Variants in SEPTIN9 observed in about 807,000 individuals in gnomAD.
The protein encoded by SEPTIN9 is septin-9.
A neutral mutation model predicts 56.6 loss-of-function variants in SEPTIN9; 13 were observed. That is an observed-to-expected ratio of 0.23 (90% CI 0.15 to 0.37). The LOEUF (loss-of-function observed/expected upper bound fraction) is 0.37. SEPTIN9 is among the 10% of genes least tolerant of loss of function. The pLI is 1.00. For synonymous variants in SEPTIN9, 332 were observed against 334.1 expected (o/e 0.99, Z 0.07); for missense variants, 650 against 823.1 (o/e 0.79, Z 2.57).
intron 11 of SEPTIN9, 60 bp downstream of exon 11, chr17:77,497,426 G>A (rs1018052769): frequency 9.8e-6 from 15 of 1,523,434 alleles, no homozygotes; most frequent in African/African-American, 5.5e-5. Context: ...GCCCTACAGC[G>A]GGTGGGGGCA....
chr17:77,332,385 C>T lies in SEPTIN9; in HGVS notation c.76+25188C>T, dbSNP rs569084890. ...ACAGCAACCATTTTGCTGTTTGCTTCACCACAAATCCCTCTGGCCACCAGC... is the reference window on the plus strand; with the variant it reads ...ACAGCAACCATTTTGCTGTTTGCTTTACCACAAATCCCTCTGGCCACCAGC... On this transcript the variant is annotated intron_variant, in intron 2 of 11. Coordinates refer to ENST00000427177, the MANE Select transcript of SEPTIN9 (RefSeq NM_001113491.2). Among the ~76,000 whole-genome samples, 139 of 152,226 alleles carry T rather than the reference C, an allele frequency of 9.1e-4. 1 individual carries two copies. Among genetic ancestry groups the T allele is most frequent in the Middle Eastern group, 3.4e-3 (1 of 290 alleles).
intron 3 of SEPTIN9, among the ~76,000 whole-genome samples, chr17:77,404,739 G>A (rs751190579): frequency 2.6e-5 from 4 of 152,104 alleles, no homozygotes; most frequent in African/African-American, 7.2e-5. Flanking sequence ...AGGGGGCATC[G>A]GAACACACTG....
rs2032798356 is a variant in SEPTIN9, at chr17:77,318,846, C to A, written c.76+11649C>A. 6.6e-6 allele frequency among the ~76,000 whole-genome samples: 1 copy of A among 152,146 alleles called. No individual in the cohort carries two copies. The highest frequency in any genetic ancestry group is 1.5e-5 in the Non-Finnish European group (1 of 68,020). On this transcript the variant is annotated intron_variant, in intron 2 of 11. Transcript: ENST00000427177. The surrounding 1 kb of genome is among the most constrained non-coding windows in gnomAD (Gnocchi z 4.9). Reference sequence around the variant, plus strand: ...ACCTGGTCACAGGTAACTCACCTGGCTCTGTGGGGCAGGGATTGTAAACTC... The same window carrying A: ...ACCTGGTCACAGGTAACTCACCTGGATCTGTGGGGCAGGGATTGTAAACTC...
intron 2 of SEPTIN9, chr17:77,396,860 A>G (rs1434603467): frequency 6.5e-6 from 1 of 153,098 alleles, no homozygotes; most frequent in Non-Finnish European, 1.5e-5. Flanking sequence ...TTCTCCAACC[A>G]TCTGGGGTTT....
rs185475240 is a variant in SEPTIN9, at chr17:77,347,816, A to G, written c.76+40619A>G. On this transcript the variant is annotated intron_variant, in intron 2 of 11. Coordinates refer to ENST00000427177, the MANE Select transcript of SEPTIN9 (RefSeq NM_001113491.2). ...TTCAATAACTTACATGAGATAGTCA[A>G]CACTTTATTATAAAATAGGCTTTGT... 5.3e-5 allele frequency among the ~76,000 whole-genome samples: 8 copies of G among 152,298 alleles called. No individual in the cohort carries two copies. The East Asian group carries it at 5.8e-4, about 11-fold the overall frequency.
At chr17:77,354,488 C>A (rs914942273) in intron 2 of SEPTIN9, among the ~76,000 whole-genome samples, 5 of 152,156 alleles carry the variant, frequency 3.3e-5, no homozygotes, top group Non-Finnish European at 7.3e-5. Context: ...ACTGGATTTC[C>A]CCAAATGCTC....
At chr17:77,289,984 A>G (rs2031464591) in intron 1 of SEPTIN9, among the ~76,000 whole-genome samples, 1 of 152,182 alleles carries the variant, frequency 6.6e-6, no homozygotes, top group Non-Finnish European at 1.5e-5. Context: ...CATAGAATGA[A>G]TGTTGAATTC....
intron 3 of SEPTIN9, among the ~76,000 whole-genome samples, chr17:77,438,089 G>A (rs1479493114): frequency 1.3e-5 from 2 of 152,254 alleles, no homozygotes; most frequent in Admixed American, 6.5e-5. Context: ...CTGCAGGGGG[G>A]TGCTCCTGGC....
At chr17:77,320,952 A>G (rs2032897596) in intron 2 of SEPTIN9, among the ~76,000 whole-genome samples, 1 of 152,216 alleles carries the variant, frequency 6.6e-6, no homozygotes, top group Non-Finnish European at 1.5e-5. Flanking sequence ...CAGACCCATC[A>G]GGGCGTGAAC....
chr17:77,482,505 G>A, intron 4 of SEPTIN9, 170 bp downstream of exon 4: 1 of 751,652 alleles, frequency 1.3e-6, no homozygotes, highest in Non-Finnish European at 2.3e-6. Flanking sequence ...GCGCCTGGGA[G>A]GAGCCCACAG....
At chr17:77,393,404 A>T (rs990055476) in intron 2 of SEPTIN9, among the ~76,000 whole-genome samples, 4 of 152,108 alleles carry the variant, frequency 2.6e-5, no homozygotes, top group African/African-American at 9.7e-5. Flanking sequence ...GAAATAGGCC[A>T]TGTGAAGTCA....
chr17:77,307,200 A>G lies in SEPTIN9; in HGVS notation c.76+3A>G. On this transcript the variant is annotated splice_donor_region_variant and intron_variant, in intron 2 of 11. Transcript: ENST00000427177. ...GCTTGGTGACTCCAGTGGCCCAGGT[A>G]GGTGGCTCGCTCCGCTCTGGCCCCA... 1 of 1,613,426 alleles carries G rather than the reference A, an allele frequency of 6.2e-7. No individual in the cohort carries two copies. The highest frequency in any genetic ancestry group is 8.5e-7 in the Non-Finnish European group (1 of 1,179,548).
At chr17:77,458,168 G>A (rs1598406283) in intron 3 of SEPTIN9, among the ~76,000 whole-genome samples, 2 of 152,318 alleles carry the variant, frequency 1.3e-5, no homozygotes, top group Admixed American at 6.5e-5. Context: ...ACCCACCATA[G>A]TCGCTTTCCA....
chr17:77,323,751 C>T lies in SEPTIN9; in HGVS notation c.76+16554C>T, dbSNP rs1013666465. ...TCTGCCATCCCCTGGGAGTTCTTAC[C>T]CCTGGACGCTCGGTGCCTGTCCGGT... On this transcript the variant is annotated intron_variant, in intron 2 of 11. Coordinates refer to ENST00000427177, the MANE Select transcript of SEPTIN9 (RefSeq NM_001113491.2). The surrounding 1 kb of genome is among the most constrained non-coding windows in gnomAD (Gnocchi z 6.8). 6.6e-6 allele frequency: 1 copy of T among 152,576 alleles called. No individual in the cohort carries two copies. Among genetic ancestry groups the T allele is most frequent in the South Asian group, 2.1e-4 (1 of 4,836 alleles). 9.5% of individuals were successfully genotyped at this position (152,576 alleles called of 1,614,324 possible).
At chr17:77,469,551 G>A in intron 3 of SEPTIN9, 1 of 152,294 alleles carries the variant, frequency 6.6e-6, no homozygotes, top group Non-Finnish European at 1.5e-5. Context: ...GCTGCTTCCT[G>A]GTGTCTCTAC....
chr17:77,314,179 A>AT (rs2032611006), intron 2 of SEPTIN9, among the ~76,000 whole-genome samples: 2 of 145,402 alleles, frequency 1.4e-5, no homozygotes, highest in Non-Finnish European at 3.1e-5. Flanking sequence ...CAAAAAAAAA[A>AT]ATTTTTTTTT....
chr17:77,346,276 GTCTTT>G (rs1332026815), intron 2 of SEPTIN9, among the ~76,000 whole-genome samples: 1 of 50,322 alleles, frequency 2.0e-5, no homozygotes, highest in African/African-American at 5.6e-5. Flanking sequence ...AGATCCTTAG[GTCTTT>G]TTTTTTTTTT....
intron 2 of SEPTIN9, among the ~76,000 whole-genome samples, chr17:77,394,453 T>TGGC (rs2035640115): frequency 2.0e-5 from 3 of 152,184 alleles, no homozygotes; most frequent in African/African-American, 7.2e-5. Flanking sequence ...CCAGTGTTTC[T>TGGC]TCAGGGACAG....
intron 3 of SEPTIN9, among the ~76,000 whole-genome samples, chr17:77,422,649 G>A (rs1052680152): frequency 1.3e-5 from 2 of 152,220 alleles, no homozygotes; most frequent in African/African-American, 4.8e-5. Flanking sequence ...TGGTCACCTC[G>A]GATGGTGCAG....
Sources: gnomAD v4.1 joint callset for allele counts (sites outside exome capture counted in the v4.1 genomes callset) on GRCh38, gnomAD v4.1.1 for gene constraint, Gnocchi (gnomAD v3.1) non-coding constraint, MANE v1.5 for transcripts, NCBI Gene and HGNC (gene_info 2026-07-23, HGNC 2026-07-21) for gene names.